Variants in STARD5 observed in about 807,000 individuals in gnomAD.
STARD5 encodes stAR-related lipid transfer protein 5.
Under a neutral mutation model 24.6 loss-of-function variants are expected in STARD5, and 26 were observed. The observed-to-expected ratio is 1.06, with a 90% CI of 0.77 to 1.47. The LOEUF (loss-of-function observed/expected upper bound fraction) is 1.47, where lower values mean the gene tolerates loss of function less well. Ranked by LOEUF, STARD5 falls within the 40% of genes most tolerant of loss-of-function variation. The pLI is 0.00. For missense variants in STARD5, 254 were observed against 270.8 expected, an observed-to-expected ratio of 0.94 and a Z score of 0.44; for synonymous variants, 101 against 99.7, an observed-to-expected ratio of 1.01 and a Z score of -0.07.
chr15:81,310,211 A>G lies in STARD5; in HGVS notation c.*3045T>C, dbSNP rs1433357585. 2 of 152,214 alleles carry G rather than the reference A, an allele frequency of 1.3e-5. No individual in the cohort carries two copies. The highest frequency in any genetic ancestry group is 4.8e-5 in the African/African-American group (2 of 41,448). 9.4% of individuals were successfully genotyped at this position (152,214 alleles called of 1,614,324 possible). On this transcript the variant is annotated 3_prime_UTR_variant, in exon 6 of 6. Transcript: ENST00000302824. ...CAAGGACACAGATGAAACACAAACA[A>G]TAGTAATTCTCAGGCCATCATCAGT...
rs753381288 is a variant in STARD5, at chr15:81,313,227, G to A, written c.*29C>T. On this transcript the variant is annotated 3_prime_UTR_variant, in exon 6 of 6. Coordinates refer to ENST00000302824, the MANE Select transcript of STARD5 (RefSeq NM_181900.3). Reference sequence around the variant, plus strand: ...GCTGGAGCTCCTCGATGAGTCACGGGAGTTCTTTGCCAAGAAGTAACGATA... The same window carrying A: ...GCTGGAGCTCCTCGATGAGTCACGGAAGTTCTTTGCCAAGAAGTAACGATA... The A allele has an allele frequency of 6.6e-7, 1 of 1,517,062 alleles. No homozygotes were observed. The highest frequency in any genetic ancestry group is 2.5e-5 in the East Asian group (1 of 39,236). 94.0% of individuals were successfully genotyped at this position (1,517,062 alleles called of 1,614,324 possible).
intron 5 of STARD5, among the ~76,000 whole-genome samples, chr15:81,317,895 T>C (rs1281458627): frequency 1.3e-5 from 2 of 152,184 alleles, no homozygotes; most frequent in African/African-American, 2.4e-5. Context: ...TGACTTACAG[T>C]GTGGTCTCAG....
chr15:81,320,474 T>C (rs1454741571), intron 3 of STARD5, among the ~76,000 whole-genome samples: 3 of 152,212 alleles, frequency 2.0e-5, no homozygotes, highest in Non-Finnish European at 2.9e-5. Context: ...CAGGGTCTCC[T>C]TTCCCACTTG....
chr15:81,322,204 C>T (rs916865713), intron 3 of STARD5, among the ~76,000 whole-genome samples: 9 of 152,192 alleles, frequency 5.9e-5, no homozygotes, highest in Non-Finnish European at 1.2e-4. Flanking sequence ...TTTGGGGCTT[C>T]TCTCCCTCTC....
chr15:81,321,450 A>T lies in STARD5; in HGVS notation c.282+958T>A, dbSNP rs747186682. ...TATGGTGAAACTCCGTCTCTACCAAAAATACAAAAATTAGCTGGGCATGGT... is the reference window on the plus strand; with the variant it reads ...TATGGTGAAACTCCGTCTCTACCAATAATACAAAAATTAGCTGGGCATGGT... On this transcript the variant is annotated intron_variant, in intron 3 of 5. Coordinates refer to ENST00000302824, the MANE Select transcript of STARD5 (RefSeq NM_181900.3). Among the ~76,000 whole-genome samples the T allele has an allele frequency of 4.6e-5, 7 of 151,998 alleles. 1 individual carries two copies. Among genetic ancestry groups the T allele is most frequent in the Non-Finnish European group, 1.0e-4 (7 of 68,016 alleles).
Position 81,319,340 on chromosome 15 carries a change from G to T in STARD5, c.399C>A (p.Asn133Lys). Residue 133 changes from asparagine (N) to lysine (K), a missense_variant and splice_region_variant, in exon 4 of 6, where the codon AAC becomes AAA. By Grantham distance (94) the Asn-to-Lys change is moderately conservative. Coordinates refer to ENST00000302824, the MANE Select transcript of STARD5 (RefSeq NM_181900.3). ...KRYEDGTISS[N>K]ATHVEHPLCP... ...GCAGCTCCTCCGGGCATCACTCACC[G>T]TTGGAACTGATGGTCCCATCCTCAT... 1 of 1,611,498 alleles carries T rather than the reference G, an allele frequency of 6.2e-7. No individual in the cohort carries two copies. The highest frequency in any genetic ancestry group is 8.5e-7 in the Non-Finnish European group (1 of 1,177,598).
At chr15:81,321,337 C>T (rs924789248) in intron 3 of STARD5, among the ~76,000 whole-genome samples, 4 of 152,062 alleles carry the variant, frequency 2.6e-5, no homozygotes, top group Non-Finnish European at 4.4e-5. Context: ...CTTGGCCAGG[C>T]GCAGTGGCTT....
rs771441564 is a variant in STARD5 at position 81,319,348 on chromosome 15, T to A, written c.391A>T (p.Ser131Cys). 1.7e-5 allele frequency: 27 copies of A among 1,613,800 alleles called. No homozygotes were observed. Among genetic ancestry groups the A allele is most frequent in the Non-Finnish European group, 2.1e-5 (25 of 1,179,776 alleles). The change falls in exon 4 of 6, where the codon AGT (serine) becomes TGT (cysteine). Residue 131 changes from serine to cysteine, a missense_variant. Transcript: ENST00000302824. ...LVKRYEDGTI[S>C]SNATHVEHPL... ...TCCGGGCATCACTCACCGTTGGAAC[T>A]GATGGTCCCATCCTCATATCTCTTG... is the stretch of plus-strand genomic sequence containing the variant.
chr15:81,321,293 G>A (rs1232866951), intron 3 of STARD5, among the ~76,000 whole-genome samples: 3 of 151,902 alleles, frequency 2.0e-5, no homozygotes, highest in Non-Finnish European at 2.9e-5. Context: ...AATTACACTC[G>A]TACCTCAATC....
In STARD5 at chr15:81,322,523, A is replaced by G; in HGVS notation, c.167T>C (p.Ile56Thr). 1 of 1,614,132 alleles carries G rather than the reference A, an allele frequency of 6.2e-7. No individual in the cohort carries two copies. The highest frequency in any genetic ancestry group is 8.5e-7 in the Non-Finnish European group (1 of 1,180,030). Residue 56 changes from isoleucine to threonine, a missense_variant, in exon 3 of 6, where the codon ATT (isoleucine) becomes ACT (threonine). By Grantham distance (89) the Ile-to-Thr change is moderately conservative. Transcript: ENST00000302824. ...FPGNLYRGEG[I>T]VYGTLEEVWD... ...CACCTCCTCTAGTGTCCCATATACA[A>G]TGCCTTCTCCTCGGTACCTGGAGCA...
At chr15:81,319,558 G>A (rs945893338) in intron 3 of STARD5, 102 bp from the exon 4 acceptor site, 8 of 977,438 alleles carry the variant, frequency 8.2e-6, no homozygotes, top group Non-Finnish European at 1.1e-5. Flanking sequence ...AGGGCTGACA[G>A]TAGGGTGGCA....
intron 3 of STARD5, 92 bp from the exon 4 acceptor site, chr15:81,319,548 A>G: frequency 9.3e-7 from 1 of 1,073,368 alleles, no homozygotes; most frequent in South Asian, 1.3e-5. Context: ...GAAAGGTACT[A>G]GGGCTGACAG....
rs183343246 is a variant in STARD5 at position 81,316,308 on chromosome 15, T to C, written c.494+2101A>G. ...GATACTTACTAGCACATCCACGAGATAGAACTACTTACATTTGTGTTTTGT... is the reference window on the plus strand; with the variant it reads ...GATACTTACTAGCACATCCACGAGACAGAACTACTTACATTTGTGTTTTGT... On this transcript the variant is annotated intron_variant, in intron 5 of 5. Transcript: ENST00000302824. Among the ~76,000 whole-genome samples the C allele has an allele frequency of 1.0e-3, 153 of 152,354 alleles. 2 individuals carry two copies. Among genetic ancestry groups the C allele is most frequent in the East Asian group, 5.8e-4 (3 of 5,194 alleles).
chr15:81,314,908 A>AACAAAC (rs1555426042), intron 5 of STARD5, among the ~76,000 whole-genome samples: 1 of 146,168 alleles, frequency 6.8e-6, no homozygotes, highest in Non-Finnish European at 1.5e-5. Context: ...AAAAAAAAAA[A>AACAAAC]AAAAAAAGAA....
rs773546046 is a variant in STARD5, at chr15:81,322,534, T to TCGGTAC, written c.150_155dup (p.Tyr51_Arg52dup). On this transcript the variant is annotated inframe_insertion, in exon 3 of 6. Transcript: ENST00000302824. ...GTGTCCCATATACAATGCCTTCTCCTCGGTACCTGGAGCACGAAAAGGAAT... is the reference window on the plus strand; with the variant it reads ...GTGTCCCATATACAATGCCTTCTCCTCGGTACCGGTACCTGGAGCACGAAAAGGAAT... 2 of 1,613,980 alleles carry TCGGTAC rather than the reference T, an allele frequency of 1.2e-6. No homozygotes were observed. The highest frequency in any genetic ancestry group is 1.7e-6 in the Non-Finnish European group (2 of 1,180,026).
At position 81,309,843 on chromosome 15, in the gene STARD5, G is replaced by C. The variant is rs1300679012; in HGVS notation, c.*3413C>G. 1 of 152,262 alleles carries C rather than the reference G, an allele frequency of 6.6e-6. No individual in the cohort carries two copies. The highest frequency in any genetic ancestry group is 6.5e-5 in the Admixed American group (1 of 15,284). The allele number at this position is 152,262 out of a possible 1,614,324, so 9.4% of individuals were successfully genotyped here. A position where few individuals can be genotyped will look rare whatever the true frequency, so the allele number is the denominator to read the frequency against. ...TAGTGATCACAGCAGCTTCTACGGT[G>C]TATGGTTCTGTGCCAATGTATTGAT... On this transcript the variant is annotated 3_prime_UTR_variant, in exon 6 of 6. Coordinates refer to ENST00000302824, the MANE Select transcript of STARD5 (RefSeq NM_181900.3).
chr15:81,317,877 T>C (rs1221847956), intron 5 of STARD5, among the ~76,000 whole-genome samples: 1 of 152,190 alleles, frequency 6.6e-6, no homozygotes, highest in African/African-American at 2.4e-5. Flanking sequence ...CGGGGTCAAT[T>C]CTGAGGCTGA....
chr15:81,314,893 G>GAAAAAAAAAAAAAA (rs5814055), intron 5 of STARD5, among the ~76,000 whole-genome samples: 1 of 104,050 alleles, frequency 9.6e-6, no homozygotes, highest in Non-Finnish European at 1.9e-5. Context: ...CCTCAAAAAA[G>GAAAAAAAAAAAAAA]AAAAAAAAAA....
chr15:81,318,338 T>C (rs1322375171), intron 5 of STARD5, 71 bp downstream of exon 5: 12 of 1,333,246 alleles, frequency 9.0e-6, no homozygotes, highest in Non-Finnish European at 1.3e-5. Context: ...GTGCCCCTTT[T>C]CACAGAAGGT....
Sources: gnomAD v4.1 joint callset for allele counts (sites outside exome capture counted in the v4.1 genomes callset) on GRCh38, gnomAD v4.1.1 for gene constraint, MANE v1.5 for transcripts, NCBI Gene and HGNC (gene_info 2026-07-23, HGNC 2026-07-21) for gene names.